ESPL1: variants seen among roughly 807,000 people sequenced by gnomAD.
ESPL1 encodes extra spindle pole bodies like 1, separase.
In ESPL1, 50 loss-of-function variants were observed where a neutral mutation model predicts 217.2. That is an observed-to-expected ratio of 0.23 (90% CI 0.18 to 0.29). The LOEUF is 0.29. ESPL1 is among the 10% of genes least tolerant of loss of function. The probability of loss-of-function intolerance (pLI) is 1.00; values close to 1 mark genes in which losing one functional copy is unlikely to be tolerated. For synonymous variants in ESPL1, 994 were observed against 1,081.3 expected (o/e 0.92, Z 1.58); for missense variants, 1,834 against 2,603.0 (o/e 0.70, Z 6.43).
intron 11 of ESPL1, among the ~76,000 whole-genome samples, chr12:53,278,211 C>T (rs756011383): frequency 3.3e-5 from 5 of 152,122 alleles, no homozygotes; most frequent in Non-Finnish European, 7.3e-5. Flanking sequence ...TGCCTCGTGG[C>T]GTTATTATTC....
In ESPL1 at chr12:53,291,728, C is replaced by T; in HGVS notation, c.5559C>T (p.Asp1853=). The T allele has an allele frequency of 6.2e-7, 1 of 1,614,012 alleles. No individual in the cohort carries two copies. Among genetic ancestry groups the T allele is most frequent in the Non-Finnish European group, 8.5e-7 (1 of 1,179,952 alleles). Residue 1853 remains aspartate (D), a synonymous_variant, in exon 26 of 31, where the codon GAC becomes GAT. Transcript: ENST00000257934. The part of the protein sequence containing the change: ...LSGAGALTPQ[D]IQALAYGLCP... ...GTGCCGGTGCCCTCACCCCTCAGGA[C>T]ATTCAGGCCCTGGCCTACGGGCTGT...
In ESPL1 at chr12:53,276,602, G is replaced by C. The variant is rs1275410138; in HGVS notation, c.1701-18G>C. On this transcript the variant is annotated intron_variant, in intron 7 of 30. Transcript: ENST00000257934. ...GCCTCCTGGGTTCCACCCTGGTGCT[G>C]AGCATGCCCTCTCTCAGGACTCTGC... The C allele has an allele frequency of 6.3e-7, 1 of 1,592,252 alleles. No homozygotes were observed. The highest frequency in any genetic ancestry group is 8.5e-7 in the Non-Finnish European group (1 of 1,169,930).
chr12:53,290,250 T>G (rs189712818), intron 23 of ESPL1, 38 bp downstream of exon 23: 13 of 1,612,426 alleles, frequency 8.1e-6, no homozygotes, highest in African/African-American at 5.3e-5. Context: ...TTGGGCTGGA[T>G]TGGGCTTCGG....
intron 17 of ESPL1, among the ~76,000 whole-genome samples, chr12:53,284,606 C>T (rs1010247289): frequency 3.9e-5 from 6 of 152,106 alleles, no homozygotes; most frequent in Admixed American, 3.9e-4. Context: ...GGCAACATTC[C>T]CTTGACTTTA....
chr12:53,285,850 G>T, intron 17 of ESPL1, 74 bp from the exon 18 acceptor site: 3 of 1,245,796 alleles, frequency 2.4e-6, no homozygotes, highest in South Asian at 1.5e-5. Context: ...AGAGAATTGG[G>T]CCCCAAGGTC....
chr12:53,288,373 T>C (rs1482269348), intron 19 of ESPL1, 32 bp downstream of exon 19: 1 of 1,562,694 alleles, frequency 6.4e-7, no homozygotes. Context: ...GGAAGGTGCA[T>C]GTTTTGGGGG....
In ESPL1 at chr12:53,290,180, G is replaced by A; in HGVS notation, c.5209G>A (p.Val1737Ile). 1 of 1,614,178 alleles carries A rather than the reference G, an allele frequency of 6.2e-7. No homozygotes were observed. Among genetic ancestry groups the A allele is most frequent in the Non-Finnish European group, 8.5e-7 (1 of 1,180,026 alleles). The part of the protein sequence containing the change: ...LTRLEKDSPP[V>I]SVQIPTGQNK... ...CCGGCTGGAAAAGGACAGTCCCCCA[G>A]TCAGTGTGCAGATTCCCACTGGCCA... The change falls in exon 23 of 31, where the codon GTC (valine) becomes ATC (isoleucine). Residue 1737 changes from valine (V) to isoleucine (I), a missense_variant. Physicochemically the swap from Val to Ile is conservative, Grantham distance 29. Coordinates refer to ENST00000257934, the MANE Select transcript of ESPL1 (RefSeq NM_012291.5).
chr12:53,290,924 C>T lies in ESPL1; in HGVS notation c.5448C>T (p.Ala1816=), dbSNP rs940588171. 3 of 1,606,842 alleles carry T rather than the reference C, an allele frequency of 1.9e-6. No homozygotes were observed. The highest frequency in any genetic ancestry group is 2.5e-6 in the Non-Finnish European group (3 of 1,176,956). Residue 1816 remains alanine (A), a synonymous_variant, in exon 25 of 31, where the codon GCC becomes GCT. Transcript: ENST00000257934. ...CGTCCAGTGAGGAGCCCGGCCCTGC[C>T]CAGGAGGCCTCCCGCCTACAGGAGC... ...LLPSSEEPGP[A]QEASRLQELL... is the part of the protein sequence containing the mutation.
chr12:53,286,132 G>C lies in ESPL1; in HGVS notation c.3396G>C (p.Lys1132Asn). ...ACTCCTCCCCAGTCTTGAAAACCAA[G>C]CCCCAGCCCATACCCAACTTCCTGT... ...STNSSPVLKT[K>N]PQPIPNFLSH... The change falls in exon 18 of 31, where the codon AAG becomes AAC. Residue 1132 changes from lysine to asparagine, a missense_variant. Physicochemically the swap from Lys to Asn is moderately conservative, Grantham distance 94 (BLOSUM62 0). Coordinates refer to ENST00000257934, the MANE Select transcript of ESPL1 (RefSeq NM_012291.5). The surrounding 1 kb of genome is among the most constrained non-coding windows in gnomAD (Gnocchi z 5.3). 1 of 1,614,106 alleles carries C rather than the reference G, an allele frequency of 6.2e-7. No homozygotes were observed. Among genetic ancestry groups the C allele is most frequent in the Non-Finnish European group, 8.5e-7 (1 of 1,179,966 alleles).
In ESPL1 at chr12:53,269,638, G is replaced by A. The variant is rs745521721; in HGVS notation, c.696G>A (p.Leu232=). The A allele has an allele frequency of 1.9e-6, 3 of 1,614,220 alleles. No homozygotes were observed. Among genetic ancestry groups the A allele is most frequent in the Non-Finnish European group, 2.5e-6 (3 of 1,180,036 alleles). The change falls in exon 3 of 31, where the codon TTG becomes TTA. Residue 232 remains leucine, a synonymous_variant. Coordinates refer to ENST00000257934, the MANE Select transcript of ESPL1 (RefSeq NM_012291.5). The surrounding 1 kb of genome is among the most constrained non-coding windows in gnomAD (Gnocchi z 6.7). ...TCTCCAGGCACGTGATCAGAGCCTT[G>A]GTGGGTGAGAGAGGGAGCTCTTCTG... is the stretch of plus-strand genomic sequence containing the variant. The part of the protein sequence containing the change: ...DLLSRHVIRA[L]VGERGSSSGL...
rs1243690280 is a variant in ESPL1 at position 53,289,090 on chromosome 12, G to A, written c.4709G>A (p.Gly1570Asp). 2 of 1,612,332 alleles carry A rather than the reference G, an allele frequency of 1.2e-6. No homozygotes were observed. The highest frequency in any genetic ancestry group is 3.3e-5 in the Admixed American group (2 of 60,018). Residue 1570 changes from glycine to aspartate, a missense_variant and splice_region_variant, in exon 21 of 31, where the codon GGT becomes GAT. Around this residue, in one of 5 missense-constraint regions of ESPL1, gnomAD observed 681 missense variants for 808.0 expected, o/e 0.84. Coordinates refer to ENST00000257934, the MANE Select transcript of ESPL1 (RefSeq NM_012291.5). ...ACCAAGTGTCCTGACGTTCTTCTAG[G>A]TCTTTCTACCCTGGACTCCATCTGT... ...LRLPSAPVATGLSTLDSICDS... is the reference protein window; with the variant it reads ...LRLPSAPVATDLSTLDSICDS...
chr12:53,270,221 A>C, intron 3 of ESPL1, 136 bp downstream of exon 3: 1 of 967,024 alleles, frequency 1.0e-6, no homozygotes, highest in Non-Finnish European at 1.6e-6. Context: ...GCGAGCCAGC[A>C]AACAGCCTAG....
In ESPL1 at chr12:53,286,198, T is replaced by G. The variant is rs1379416319; in HGVS notation, c.3462T>G (p.Pro1154=). ...PTCDCSLCAS[P]VLTAVCLRWV... The stretch of plus-strand genomic sequence containing the variant: ...GTGACTGCTCGCTCTGCGCCAGCCC[T>G]GTCCTCACAGCAGTCTGTCTGCGCT... The change falls in exon 18 of 31, where the codon CCT becomes CCG. Residue 1154 remains proline, a synonymous_variant. Transcript: ENST00000257934. The surrounding 1 kb of genome is among the most constrained non-coding windows in gnomAD (Gnocchi z 5.3). 2.5e-6 allele frequency: 4 copies of G among 1,614,242 alleles called. No individual in the cohort carries two copies. The South Asian group carries it at 4.4e-5, about 18-fold the overall frequency.
At position 53,283,547 on chromosome 12, in the gene ESPL1, A is replaced by G; in HGVS notation, c.3077+9A>G. ...CTGCAGATACCACGCCAGTAAGTACAGGGCCAGAGGATATGGCAATGATGG... is the reference window on the plus strand; with the variant it reads ...CTGCAGATACCACGCCAGTAAGTACGGGGCCAGAGGATATGGCAATGATGG... On this transcript the variant is annotated intron_variant, in intron 16 of 30. Coordinates refer to ENST00000257934, the MANE Select transcript of ESPL1 (RefSeq NM_012291.5). 1 of 1,611,342 alleles carries G rather than the reference A, an allele frequency of 6.2e-7. No homozygotes were observed. Among genetic ancestry groups the G allele is most frequent in the Non-Finnish European group, 8.5e-7 (1 of 1,178,842 alleles).
chr12:53,269,064 G>A lies in ESPL1; in HGVS notation c.122G>A (p.Arg41Gln), dbSNP rs1943619037. The change falls in exon 3 of 31, where the codon CGA becomes CAA. Residue 41 changes from arginine (R) to glutamine (Q), a missense_variant. Physicochemically the swap from Arg to Gln is conservative, Grantham distance 43. Coordinates refer to ENST00000257934, the MANE Select transcript of ESPL1 (RefSeq NM_012291.5). The surrounding 1 kb of genome is among the most constrained non-coding windows in gnomAD (Gnocchi z 6.7). ...SNPPAGFPSSRSDAERRQACD... is the reference protein window; with the variant it reads ...SNPPAGFPSSQSDAERRQACD... ...CCTCCAGCTGGTTTTCCCAGCAGCC[G>A]ATCTGATGCTGAGAGGAGACAAGCT... 6.2e-7 allele frequency: 1 copy of A among 1,613,566 alleles called. No homozygotes were observed. Among genetic ancestry groups the A allele is most frequent in the South Asian group, 1.1e-5 (1 of 91,032 alleles).
At chr12:53,285,095 G>A (rs1263123135) in intron 17 of ESPL1, among the ~76,000 whole-genome samples, 1 of 151,832 alleles carries the variant, frequency 6.6e-6, no homozygotes, top group African/African-American at 2.4e-5. Flanking sequence ...CACTTCATGT[G>A]CTCAATAGCC....
rs1443982312 is a variant in ESPL1, at chr12:53,270,094, AG to A, written c.1143+11del. 1.6e-5 allele frequency: 26 copies of A among 1,592,430 alleles called. No homozygotes were observed. Among genetic ancestry groups the A allele is most frequent in the Non-Finnish European group, 2.1e-5 (25 of 1,168,830 alleles). On this transcript the variant is annotated intron_variant, in intron 3 of 30. Transcript: ENST00000257934. ...AGCTGCGGGATGATGGTGTGAGTTAAGGACCTGGAGGTAGGGTGGGGACGTG... is the reference window on the plus strand; with the variant it reads ...AGCTGCGGGATGATGGTGTGAGTTAAGACCTGGAGGTAGGGTGGGGACGTG...
At chr12:53,288,432 G>A in intron 19 of ESPL1, 91 bp downstream of exon 19, 1 of 1,529,940 alleles carries the variant, frequency 6.5e-7, no homozygotes, top group Non-Finnish European at 8.8e-7. Context: ...AGGAAGTACA[G>A]GAAGAATGTT....
chr12:53,283,290 G>A, intron 15 of ESPL1, 33 bp downstream of exon 15: 1 of 1,613,696 alleles, frequency 6.2e-7, no homozygotes. Flanking sequence ...GGCCCTCTTG[G>A]AATGGACAGG....
Sources: allele counts gnomAD v4.1 joint callset (sites outside exome capture counted in the v4.1 genomes callset), GRCh38; gene constraint gnomAD v4.1.1; regional missense constraint gnomAD v4.1.1; non-coding constraint Gnocchi (gnomAD v3.1); transcripts MANE v1.5; gene names NCBI Gene and HGNC (gene_info 2026-07-23, HGNC 2026-07-21).